Variants in IGFL4 observed in about 807,000 individuals in gnomAD.
The protein encoded by IGFL4 is IGF like family member 4.
A neutral mutation model predicts 15.4 loss-of-function variants in IGFL4; 12 were observed. The ratio of observed to expected loss-of-function variants is 0.78; its 90% CI spans 0.50 to 1.26. The LOEUF is 1.26. Ranked by LOEUF, IGFL4 falls within the 50% of genes most tolerant of loss-of-function variation. The pLI, the probability that IGFL4 is intolerant of heterozygous loss-of-function variation, is 0.00. For synonymous variants in IGFL4, 54 were observed against 55.9 expected (o/e 0.97, Z 0.16); for missense variants, 126 against 147.8 (o/e 0.85, Z 0.76).
chr19:46,059,384 G>A (rs1969423619), intron 2 of IGFL4: 2 of 152,166 alleles, frequency 1.3e-5, no homozygotes, highest in African/African-American at 4.8e-5. Flanking sequence ...TAGGGGCAAT[G>A]CTTTCCTGCC....
At chr19:46,051,546 AAAAAC>A (rs374201158) in intron 2 of IGFL4, among the ~76,000 whole-genome samples, 2,378 of 152,242 alleles carry the variant, frequency 0.016, 65 homozygotes, top group African/African-American at 0.053. Flanking sequence ...CTTTGTCTCA[AAAAAC>A]AAAACAAAAC....
At chr19:46,043,001 G>T (rs969440447), upstream of IGFL4, among the ~76,000 whole-genome samples, 1 of 152,176 alleles carries the variant, frequency 6.6e-6, no homozygotes, top group Non-Finnish European at 1.5e-5. Context: ...CGTGGCCCAC[G>T]TGGAGATGTT....
At chr19:46,049,979 C>G (rs1025587635) in intron 2 of IGFL4, among the ~76,000 whole-genome samples, 1 of 152,168 alleles carries the variant, frequency 6.6e-6, no homozygotes, top group Non-Finnish European at 1.5e-5. Flanking sequence ...AAAGACGGAT[C>G]ACATCATGGG....
rs115210118 is a variant in IGFL4 at position 46,056,491 on chromosome 19, C to G, written c.-323+3694G>C. 5.6e-3 allele frequency among the ~76,000 whole-genome samples: 856 copies of G among 152,304 alleles called. 10 individuals are homozygous for G. Among genetic ancestry groups the G allele is most frequent in the African/African-American group, 0.019 (792 of 41,548 alleles). The stretch of plus-strand genomic sequence containing the variant: ...CATCAATGTGCCCCAGCAAGGATCT[C>G]CTCCACTCGCTCCCTATGTATCCAG... On this transcript the variant is annotated intron_variant, in intron 2 of 5. Transcript: ENST00000601672.
upstream of IGFL4, among the ~76,000 whole-genome samples, chr19:46,043,057 C>A (rs1285327802): frequency 1.3e-5 from 2 of 152,128 alleles, no homozygotes; most frequent in African/African-American, 2.4e-5. Flanking sequence ...GTAAACCTAC[C>A]CCCAAAGCTC....
intron 2 of IGFL4, among the ~76,000 whole-genome samples, chr19:46,049,996 C>T (rs1969331182): frequency 6.6e-6 from 1 of 152,160 alleles, no homozygotes; most frequent in African/African-American, 2.4e-5. Flanking sequence ...TGGGACTCTT[C>T]GCAGACACTC....
At position 46,050,268 on chromosome 19, in the gene IGFL4, AC is replaced by A. The variant is rs538966196; in HGVS notation, c.-322-9159del. Among the ~76,000 whole-genome samples the A allele has an allele frequency of 5.1e-4, 77 of 152,224 alleles. 1 individual carries two copies. In the South Asian group the frequency reaches 0.016, roughly 31 times the overall value. ...ATATGATAAAACAAACCTCTTTAAC[AC>A]CCCCGAAAGATCACACTAGCTCACC... On this transcript the variant is annotated intron_variant, in intron 2 of 5. Transcript: ENST00000601672.
At chr19:46,073,398 G>A (rs542923177) in intron 1 of IGFL4, among the ~76,000 whole-genome samples, 2 of 152,188 alleles carry the variant, frequency 1.3e-5, no homozygotes, top group Middle Eastern at 6.8e-3. Context: ...GCTCCCTTGA[G>A]CTATTTCTAG....
At chr19:46,076,625 G>A (rs939423707) in intron 1 of IGFL4, among the ~76,000 whole-genome samples, 4 of 148,070 alleles carry the variant, frequency 2.7e-5, no homozygotes, top group Middle Eastern at 3.7e-3. Context: ...ACATTTTCCC[G>A]GTTAGTTTTA....
intron 1 of IGFL4, among the ~76,000 whole-genome samples, chr19:46,076,477 G>T (rs1007234983): frequency 6.6e-6 from 1 of 151,978 alleles, no homozygotes; most frequent in East Asian, 1.9e-4. Flanking sequence ...CAGATTCATC[G>T]TGTATATTTT....
chr19:46,056,927 C>T (rs1367261266), intron 2 of IGFL4, among the ~76,000 whole-genome samples: 1 of 152,216 alleles, frequency 6.6e-6, no homozygotes, highest in Non-Finnish European at 1.5e-5. Flanking sequence ...ACACCCCAGT[C>T]ACTCACTTTT....
At chr19:46,059,139 T>C (rs1012856164) in intron 2 of IGFL4, 1 of 152,198 alleles carries the variant, frequency 6.6e-6, no homozygotes, top group Non-Finnish European at 1.5e-5. Context: ...GCAAGGTCTT[T>C]ATAAGCTGTA....
At chr19:46,056,212 T>C (rs1969391438) in intron 2 of IGFL4, among the ~76,000 whole-genome samples, 1 of 152,338 alleles carries the variant, frequency 6.6e-6, no homozygotes, top group South Asian at 2.1e-4. Flanking sequence ...CACCATGTGG[T>C]TTAACTTTAG....
intron 2 of IGFL4, among the ~76,000 whole-genome samples, chr19:46,049,674 T>C (rs550208666): frequency 1.9e-4 from 29 of 152,188 alleles, no homozygotes; most frequent in African/African-American, 6.5e-4. Context: ...CACCTGATTT[T>C]CTCTATCGGC....
chr19:46,074,819 T>C (rs1969579893), intron 1 of IGFL4, among the ~76,000 whole-genome samples: 1 of 152,222 alleles, frequency 6.6e-6, no homozygotes, highest in East Asian at 1.9e-4. Context: ...ATCAATACTT[T>C]GCATCCTTCA....
At chr19:46,069,504 T>C (rs11878696) in intron 1 of IGFL4, among the ~76,000 whole-genome samples, 10,565 of 152,260 alleles carry the variant, frequency 0.069, 613 homozygotes, top group African/African-American at 0.15. Context: ...TATTTTTCCA[T>C]AAATTCTGTA....
At chr19:46,065,855 G>A (rs1476270378) in intron 1 of IGFL4, among the ~76,000 whole-genome samples, 1 of 152,222 alleles carries the variant, frequency 6.6e-6, no homozygotes, top group Non-Finnish European at 1.5e-5. Context: ...AGGGTAAAAT[G>A]TGATGTGTCA....
chr19:46,047,584 G>A (rs903002845), intron 2 of IGFL4, among the ~76,000 whole-genome samples: 3 of 151,988 alleles, frequency 2.0e-5, no homozygotes, highest in Admixed American at 1.3e-4. Context: ...AAATGACAAG[G>A]GAGATATTAC....
intron 1 of IGFL4, among the ~76,000 whole-genome samples, chr19:46,065,347 G>A (rs1251736740): frequency 6.6e-6 from 1 of 151,128 alleles, no homozygotes; most frequent in Admixed American, 6.6e-5. Context: ...TTTTGAGAGG[G>A]AGTCTCGCTC....
Sources: allele counts gnomAD v4.1 joint callset (sites outside exome capture counted in the v4.1 genomes callset), GRCh38; gene constraint gnomAD v4.1.1; transcripts MANE v1.5; gene names NCBI Gene and HGNC (gene_info 2026-07-23, HGNC 2026-07-21).